PTPN21: variants seen among roughly 807,000 people sequenced by gnomAD.
PTPN21 encodes tyrosine-protein phosphatase non-receptor type 21.
PTPN21 carries 77 observed loss-of-function variants against 131.8 expected under a neutral mutation model. The ratio of observed to expected loss-of-function variants is 0.58; its 90% CI spans 0.49 to 0.71. PTPN21 has a LOEUF of 0.71. PTPN21 is among the 30% of genes least tolerant of loss of function. The pLI, the probability that PTPN21 is intolerant of heterozygous loss-of-function variation, is 0.00. For missense variants in PTPN21, 1,552 were observed against 1,527.1 expected, an observed-to-expected ratio of 1.02 and a Z score of -0.27; for synonymous variants, 715 against 621.3, an observed-to-expected ratio of 1.15 and a Z score of -2.24.
At chr14:88,529,471 G>C (rs2078524449) in intron 2 of PTPN21, among the ~76,000 whole-genome samples, 1 of 151,994 alleles carries the variant, frequency 6.6e-6, no homozygotes, top group African/African-American at 2.4e-5. Flanking sequence ...TATGTTAAAT[G>C]ACCAAACATA....
Position 88,467,872 on chromosome 14 carries a change from C to G in PTPN21, c.*265G>C. The G allele has an allele frequency of 2.2e-6, 1 of 456,648 alleles. No individual in the cohort carries two copies. Among genetic ancestry groups the G allele is most frequent in the Non-Finnish European group, 3.9e-6 (1 of 258,232 alleles). 28.3% of individuals were successfully genotyped at this position (456,648 alleles called of 1,614,324 possible). A position where few individuals can be genotyped will look rare whatever the true frequency, so the allele number is the denominator to read the frequency against. On this transcript the variant is annotated 3_prime_UTR_variant, in exon 19 of 19. Coordinates refer to ENST00000556564, the MANE Select transcript of PTPN21 (RefSeq NM_007039.4). ...GAAAATACAATCTCCAAAATGTGTG[C>G]AAGTACTGCAAACCGGACAGACCGG...
intron 7 of PTPN21, 59 bp from the exon 8 acceptor site, chr14:88,500,930 T>C (rs1233594273): frequency 3.3e-6 from 4 of 1,211,500 alleles, no homozygotes; most frequent in Non-Finnish European, 2.5e-6. Flanking sequence ...GAACTGCTGC[T>C]AGAGTTCCCT....
Position 88,470,054 on chromosome 14 carries a change from G to C in PTPN21, c.2872-4C>G. 5.6e-6 allele frequency: 9 copies of C among 1,611,982 alleles called. No individual in the cohort carries two copies. Among genetic ancestry groups the C allele is most frequent in the Non-Finnish European group, 7.6e-6 (9 of 1,178,256 alleles). On this transcript the variant is annotated splice_region_variant and splice_polypyrimidine_tract_variant and intron_variant, in intron 15 of 18. Transcript: ENST00000556564. ...ATTCGATTCCACTGACAGAGACCTG[G>C]GATTAGAAAAGGTTAAAAAAATTGA...
chr14:88,550,133 C>G lies in PTPN21; in HGVS notation c.180+105G>C, dbSNP rs1348245535. The G allele has an allele frequency of 4.1e-6, 5 of 1,213,286 alleles. No homozygotes were observed. In the East Asian group the frequency reaches 1.2e-4, roughly 29 times the overall value. 75.2% of individuals were successfully genotyped at this position (1,213,286 alleles called of 1,614,324 possible). A position where few individuals can be genotyped will look rare whatever the true frequency, so the allele number is the denominator to read the frequency against. ...TTCACCATGTTGGCCAGGCTAGGCT[C>G]GAACTCCTGACCTCAGGTGATCCAC... On this transcript the variant is annotated intron_variant, in intron 2 of 18. Coordinates refer to ENST00000556564, the MANE Select transcript of PTPN21 (RefSeq NM_007039.4).
At chr14:88,486,381 A>G (rs2077733483) in intron 10 of PTPN21, among the ~76,000 whole-genome samples, 1 of 152,170 alleles carries the variant, frequency 6.6e-6, no homozygotes. Flanking sequence ...TGAAGAAATG[A>G]ATTTATGATT....
intron 12 of PTPN21, among the ~76,000 whole-genome samples, chr14:88,483,415 C>A (rs941979751): frequency 2.0e-5 from 3 of 151,960 alleles, no homozygotes; most frequent in Admixed American, 2.0e-4. Context: ...GGGCAGGGTG[C>A]AAGAGGGAGG....
At chr14:88,522,444 G>A (rs8009641) in intron 2 of PTPN21, among the ~76,000 whole-genome samples, 121,751 of 138,082 alleles carry the variant, frequency 0.88, 54,347 homozygotes, top group Non-Finnish European at 0.95. Context: ...AAAAAAAAAA[G>A]AAAAAAAGAA....
intron 8 of PTPN21, among the ~76,000 whole-genome samples, chr14:88,499,632 T>C (rs939217939): frequency 1.3e-5 from 2 of 152,116 alleles, no homozygotes; most frequent in African/African-American, 2.4e-5. Context: ...GACAGTGTTA[T>C]GAAGATTACA....
intron 10 of PTPN21, among the ~76,000 whole-genome samples, chr14:88,493,677 T>C (rs2077859774): frequency 6.6e-6 from 1 of 152,104 alleles, no homozygotes; most frequent in Non-Finnish European, 1.5e-5. Context: ...GGGAGGGAGC[T>C]CCAGGAGGTG....
At chr14:88,521,651 T>C (rs922680540) in intron 2 of PTPN21, among the ~76,000 whole-genome samples, 1 of 151,224 alleles carries the variant, frequency 6.6e-6, no homozygotes, top group African/African-American at 2.4e-5. Context: ...GACTTCATGA[T>C]CTGCCCGCCT....
In PTPN21 at chr14:88,469,932, G is replaced by A. The variant is rs753584363; in HGVS notation, c.2990C>T (p.Thr997Ile). ...GAAATAAGTACCTACCTCTTCTGCT[G>A]TCACCATTGCTATAATTGCAATTCC... ...EQGIAIIAMV[T>I]AEEEGGREKS... Residue 997 changes from threonine to isoleucine, a missense_variant, in exon 16 of 19, where the codon ACA becomes ATA. This residue lies in a region of PTPN21 where 316 missense variants were observed against 378.5 expected (regional missense o/e 0.83). Transcript: ENST00000556564. This position sits in a 1 kb window ranked among gnomAD's most constrained non-coding sequence, Gnocchi z 4.3. The A allele has an allele frequency of 6.2e-7, 1 of 1,614,014 alleles. No individual in the cohort carries two copies. Among genetic ancestry groups the A allele is most frequent in the South Asian group, 1.1e-5 (1 of 91,078 alleles).
chr14:88,501,441 C>A (rs565258555), intron 6 of PTPN21, 73 bp from the exon 7 acceptor site: 2 of 1,244,524 alleles, frequency 1.6e-6, no homozygotes, highest in East Asian at 4.6e-5. Flanking sequence ...TTTCTTAAAA[C>A]CTATATGTCA....
At chr14:88,538,851 A>G (rs967330634) in intron 2 of PTPN21, among the ~76,000 whole-genome samples, 2 of 152,224 alleles carry the variant, frequency 1.3e-5, no homozygotes, top group African/African-American at 4.8e-5. Flanking sequence ...TGAGCATAAC[A>G]GTGCCTCATA....
Position 88,486,182 on chromosome 14 carries a change from C to A in PTPN21, c.933-340G>T, listed in dbSNP as rs2077729577. 1.3e-5 allele frequency among the ~76,000 whole-genome samples: 2 copies of A among 152,122 alleles called. 1 individual carries two copies. The highest frequency in any genetic ancestry group is 4.2e-4 in the South Asian group (2 of 4,818). ...TGGGGAAAGAGACAAGGCTACATCA[C>A]CCACACACTTGTCGCAGGAGAAGCT... On this transcript the variant is annotated intron_variant, in intron 10 of 18. Transcript: ENST00000556564.
rs371478689 is a variant in PTPN21, at chr14:88,495,000, G to A, written c.932+1413C>T. 1.3e-3 allele frequency among the ~76,000 whole-genome samples: 146 copies of A among 110,466 alleles called. 1 individual carries two copies. In the East Asian group the frequency reaches 0.029, roughly 22 times the overall value. 72.5% of individuals were successfully genotyped at this position (110,466 alleles called of 152,430 possible). On this transcript the variant is annotated intron_variant, in intron 10 of 18. Coordinates refer to ENST00000556564, the MANE Select transcript of PTPN21 (RefSeq NM_007039.4). The stretch of plus-strand genomic sequence containing the variant: ...TGCACTCCAGCCTGGGTGACAGAGC[G>A]AGACTCTGTCTCCAAAAAAAAAAAA...
intron 3 of PTPN21, 92 bp from the exon 4 acceptor site, chr14:88,508,112 C>G: frequency 1.6e-6 from 1 of 644,152 alleles, no homozygotes; most frequent in Non-Finnish European, 2.5e-6. Flanking sequence ...GAAGCATAAA[C>G]CAGTGAAATA....
At chr14:88,490,386 C>T (rs191770685) in intron 10 of PTPN21, among the ~76,000 whole-genome samples, 23 of 152,208 alleles carry the variant, frequency 1.5e-4, no homozygotes, top group Admixed American at 1.0e-3. Flanking sequence ...TGCCTCTCCT[C>T]GGCTCCACCA....
At chr14:88,540,353 T>A (rs190725799) in intron 2 of PTPN21, among the ~76,000 whole-genome samples, 1 of 152,200 alleles carries the variant, frequency 6.6e-6, no homozygotes, top group East Asian at 1.9e-4. Context: ...GCACAGGGCA[T>A]GGAATATGGT....
intron 2 of PTPN21, among the ~76,000 whole-genome samples, chr14:88,544,443 A>C (rs1430794760): frequency 6.6e-6 from 1 of 152,198 alleles, no homozygotes; most frequent in Non-Finnish European, 1.5e-5. Flanking sequence ...CATAACATCA[A>C]CAAAAATGGT....
Sources: allele counts gnomAD v4.1 joint callset (sites outside exome capture counted in the v4.1 genomes callset), GRCh38; gene constraint gnomAD v4.1.1; regional missense constraint gnomAD v4.1.1; non-coding constraint Gnocchi (gnomAD v3.1); transcripts MANE v1.5; gene names NCBI Gene and HGNC (gene_info 2026-07-23, HGNC 2026-07-21).